Variants in PDE1A observed in about 807,000 individuals in gnomAD.
PDE1A encodes the protein phosphodiesterase 1A.
A neutral mutation model predicts 61.7 loss-of-function variants in PDE1A; 35 were observed. The ratio of observed to expected loss-of-function variants is 0.57; its 90% CI spans 0.43 to 0.75. PDE1A has a LOEUF of 0.75. Among genes scored for constraint, PDE1A ranks in the 30% least tolerant of loss-of-function variants. The probability of loss-of-function intolerance (pLI) is 0.00; values close to 1 mark genes in which losing one functional copy is unlikely to be tolerated. For missense variants in PDE1A, 597 were observed against 630.6 expected (o/e 0.95, Z 0.57); for synonymous variants, 232 against 213.2 (o/e 1.09, Z -0.77).
At chr2:182,634,535 G>A in the PDE1A span, among the ~76,000 whole-genome samples, 1 of 152,184 alleles carries the variant, frequency 6.6e-6, no homozygotes, top group Admixed American at 6.5e-5. Context: ...AAAGAGGTTT[G>A]CAACCATCAT....
chr2:182,544,647 C>A, the PDE1A span, among the ~76,000 whole-genome samples: 1 of 152,186 alleles, frequency 6.6e-6, no homozygotes, highest in Non-Finnish European at 1.5e-5. Context: ...CTCCTCCTTC[C>A]TCTCATTTGA....
downstream of PDE1A, among the ~76,000 whole-genome samples, chr2:182,167,615 C>T (rs762661360): frequency 6.6e-6 from 1 of 152,084 alleles, no homozygotes; most frequent in Non-Finnish European, 1.5e-5. Flanking sequence ...TTTCCCTCTT[C>T]GAAGAGAGAG....
intron 13 of PDE1A, among the ~76,000 whole-genome samples, chr2:182,155,977 C>T (rs895459596): frequency 2.0e-5 from 3 of 152,160 alleles, no homozygotes; most frequent in African/African-American, 7.2e-5. Flanking sequence ...ATGCTGTTCT[C>T]ATGGTAGTGA....
At chr2:182,655,439 C>T in the PDE1A span, among the ~76,000 whole-genome samples, 1 of 152,162 alleles carries the variant, frequency 6.6e-6, no homozygotes, top group Non-Finnish European at 1.5e-5. Context: ...ATATTCTGCA[C>T]CAAGCCCCTG....
At chr2:182,502,308 T>C (rs958707173) in intron 2 of PDE1A, among the ~76,000 whole-genome samples, 2 of 143,578 alleles carry the variant, frequency 1.4e-5, no homozygotes, top group African/African-American at 2.5e-5. Flanking sequence ...TCACCTACTC[T>C]CTTTCGTGTG....
chr2:182,441,028 T>C (rs1684758645), intron 2 of PDE1A, among the ~76,000 whole-genome samples: 1 of 152,088 alleles, frequency 6.6e-6, no homozygotes, highest in Non-Finnish European at 1.5e-5. Flanking sequence ...AGAGGTTTAA[T>C]GAACTCACAG....
intron 1 of PDE1A, among the ~76,000 whole-genome samples, chr2:182,363,441 G>A (rs1175540968): frequency 6.6e-6 from 1 of 151,898 alleles, no homozygotes; most frequent in African/African-American, 2.4e-5. Context: ...GAGAGACATA[G>A]AGTTGATCCA....
chr2:182,201,820 T>C, intron 8 of PDE1A, 31 bp from the exon 9 acceptor site: 1 of 1,380,486 alleles, frequency 7.2e-7, no homozygotes, highest in Non-Finnish European at 1.0e-6. Flanking sequence ...GAAAGGTTCA[T>C]TCAGCCATTT....
chr2:182,235,238 G>A (rs1291832385), intron 3 of PDE1A, among the ~76,000 whole-genome samples: 3 of 152,180 alleles, frequency 2.0e-5, no homozygotes, highest in Non-Finnish European at 4.4e-5. Context: ...CCGCCTCCCG[G>A]GTTCAAGTGA....
At chr2:182,178,206 C>T (rs1002752983) in intron 13 of PDE1A, among the ~76,000 whole-genome samples, 3 of 152,126 alleles carry the variant, frequency 2.0e-5, no homozygotes, top group African/African-American at 7.2e-5. Flanking sequence ...TCAAAAGCCA[C>T]ATCCATGCAT....
At chr2:182,562,223 C>T in the PDE1A span, among the ~76,000 whole-genome samples, 2 of 152,104 alleles carry the variant, frequency 1.3e-5, no homozygotes, top group East Asian at 1.9e-4. Context: ...TGTTGAGATA[C>T]GTCTCATCAA....
chr2:182,373,529 T>A lies in PDE1A; in HGVS notation c.53+53049A>T, dbSNP rs199587194. 2.0e-5 allele frequency among the ~76,000 whole-genome samples: 3 copies of A among 152,316 alleles called. No homozygotes were observed. The East Asian group carries it at 5.8e-4, about 29-fold the overall frequency. On this transcript the variant is annotated intron_variant, in intron 1 of 13. Coordinates refer to ENST00000351439, the Ensembl canonical transcript of PDE1A. ...AAGGCAGTTCTAAAACTCTAATAAATCATTGTTTTAAAGTTCTCACACAGC... is the reference window on the plus strand; with the variant it reads ...AAGGCAGTTCTAAAACTCTAATAAAACATTGTTTTAAAGTTCTCACACAGC...
chr2:182,388,790 G>A (rs1449668011), intron 1 of PDE1A, among the ~76,000 whole-genome samples: 3 of 151,024 alleles, frequency 2.0e-5, no homozygotes, highest in African/African-American at 4.9e-5. Flanking sequence ...GTATATGGAA[G>A]GAAGTAATAT....
chr2:182,561,895 T>C, the PDE1A span, among the ~76,000 whole-genome samples: 1 of 152,122 alleles, frequency 6.6e-6, no homozygotes, highest in African/African-American at 2.4e-5. Context: ...GTGATTTTTG[T>C]ACATTGATTT....
chr2:182,279,186 C>T (rs1693638606), intron 1 of PDE1A, among the ~76,000 whole-genome samples: 1 of 151,868 alleles, frequency 6.6e-6, no homozygotes, highest in Admixed American at 6.6e-5. Context: ...AATGAATATT[C>T]ACTGTCAAGA....
chr2:182,634,317 C>G, the PDE1A span, among the ~76,000 whole-genome samples: 5 of 152,056 alleles, frequency 3.3e-5, no homozygotes, highest in African/African-American at 1.2e-4. Flanking sequence ...GAGTTTTGAA[C>G]TATGTCTAGT....
chr2:182,391,409 ATCTCCCT>A (rs1701412916), intron 1 of PDE1A, among the ~76,000 whole-genome samples: 1 of 152,148 alleles, frequency 6.6e-6, no homozygotes, highest in Non-Finnish European at 1.5e-5. Context: ...GAAATGCCTG[ATCTCCCT>A]TGGTTTAATG....
At chr2:182,367,081 A>G (rs768944079) in intron 1 of PDE1A, among the ~76,000 whole-genome samples, 1 of 152,054 alleles carries the variant, frequency 6.6e-6, no homozygotes. Flanking sequence ...GCAAAAATAT[A>G]GTCTGCTTCT....
chr2:182,617,560 A>G, the PDE1A span, among the ~76,000 whole-genome samples: 1 of 152,158 alleles, frequency 6.6e-6, no homozygotes, highest in Non-Finnish European at 1.5e-5. Context: ...GGGATCCCAG[A>G]ATTTGCAGTT....
Sources: gnomAD v4.1 joint callset for allele counts (sites outside exome capture counted in the v4.1 genomes callset) on GRCh38, gnomAD v4.1.1 for gene constraint, MANE v1.5 for transcripts, NCBI Gene and HGNC (gene_info 2026-07-23, HGNC 2026-07-21) for gene names.